MIA3: variants seen among roughly 807,000 people sequenced by gnomAD.
MIA3 encodes the protein transport and Golgi organization protein 1 homolog.
In MIA3, 90 loss-of-function variants were observed where a neutral mutation model predicts 192.4. The ratio of observed to expected loss-of-function variants is 0.47; its 90% CI spans 0.39 to 0.56. The LOEUF is 0.56. MIA3 is among the 20% of genes least tolerant of loss of function. The pLI, the probability that MIA3 is intolerant of heterozygous loss-of-function variation, is 0.00. For synonymous variants in MIA3, 740 were observed against 792.8 expected (o/e 0.93, Z 1.12); for missense variants, 2,123 against 2,269.4 (o/e 0.94, Z 1.31).
intron 6 of MIA3, among the ~76,000 whole-genome samples, chr1:222,643,070 T>G (rs1051212343): frequency 6.6e-6 from 1 of 152,208 alleles, no homozygotes; most frequent in Non-Finnish European, 1.5e-5. Context: ...AATTTACGAA[T>G]ATTTTCCTTT....
At chr1:222,627,509 G>T in intron 3 of MIA3, 66 bp from the exon 4 acceptor site, 1 of 1,292,876 alleles carries the variant, frequency 7.7e-7, no homozygotes, top group South Asian at 1.5e-5. Flanking sequence ...AATCATTAAC[G>T]TGGATAAGAC....
intron 1 of MIA3, among the ~76,000 whole-genome samples, chr1:222,620,503 T>C (rs1661807017): frequency 6.6e-6 from 1 of 152,236 alleles, no homozygotes; most frequent in Admixed American, 6.5e-5. Flanking sequence ...TCAGAAAATA[T>C]TGCCTTGTGA....
intron 7 of MIA3, among the ~76,000 whole-genome samples, chr1:222,647,675 C>T (rs1396013390): frequency 2.0e-5 from 3 of 152,022 alleles, no homozygotes; most frequent in Non-Finnish European, 4.4e-5. Flanking sequence ...ACGCCTTTTT[C>T]GTTTTTCAGA....
chr1:222,660,331 T>G lies in MIA3; in HGVS notation c.5113+17T>G. Reference sequence around the variant, plus strand: ...GTGAATTTGGTGAGCATTCACATGTTTCCTTGCAATACTCTTTTGGGTGGC... The same window carrying G: ...GTGAATTTGGTGAGCATTCACATGTGTCCTTGCAATACTCTTTTGGGTGGC... On this transcript the variant is annotated intron_variant, in intron 24 of 27. Coordinates refer to ENST00000344922, the MANE Select transcript of MIA3 (RefSeq NM_198551.4). 1 of 1,600,772 alleles carries G rather than the reference T, an allele frequency of 6.2e-7. No homozygotes were observed. Among genetic ancestry groups the G allele is most frequent in the Non-Finnish European group, 8.5e-7 (1 of 1,175,476 alleles).
chr1:222,629,894 C>G lies in MIA3; in HGVS notation c.2674C>G (p.Gln892Glu), dbSNP rs1178522655. The G allele has an allele frequency of 1.9e-6, 3 of 1,614,016 alleles. No individual in the cohort carries two copies. Among genetic ancestry groups the G allele is most frequent in the Non-Finnish European group, 2.5e-6 (3 of 1,180,004 alleles). The change falls in exon 4 of 28, where the codon CAG becomes GAG. Residue 892 changes from glutamine (Q) to glutamate (E), a missense_variant. Coordinates refer to ENST00000344922, the MANE Select transcript of MIA3 (RefSeq NM_198551.4). The part of the protein sequence containing the change: ...NTEKYMGTES[Q>E]GSAAAEPEDD... ...AGAGAAGTACATGGGCACAGAAAGC[C>G]AGGGGTCTGCTGCTGCAGAACCTGA...
chr1:222,635,340 G>T (rs2124863405), intron 6 of MIA3, among the ~76,000 whole-genome samples: 1 of 152,272 alleles, frequency 6.6e-6, no homozygotes, highest in East Asian at 1.9e-4. Context: ...CCTGGGTTGG[G>T]GCATATAGGA....
chr1:222,624,979 T>C, intron 3 of MIA3, 125 bp downstream of exon 3: 1 of 543,084 alleles, frequency 1.8e-6, no homozygotes, highest in Non-Finnish European at 3.3e-6. Flanking sequence ...TTATCTAATA[T>C]ATGGAAATAG....
intron 26 of MIA3, 124 bp from the exon 27 acceptor site, chr1:222,663,874 A>T: frequency 1.1e-6 from 1 of 925,292 alleles, no homozygotes; most frequent in Non-Finnish European, 1.7e-6. Flanking sequence ...AGTTTTTTGC[A>T]CTAATTCTGC....
chr1:222,629,249 C>A lies in MIA3; in HGVS notation c.2029C>A (p.Leu677Ile), dbSNP rs201082582. Residue 677 changes from leucine (L) to isoleucine (I), a missense_variant, in exon 4 of 28, where the codon CTC becomes ATC. By Grantham distance (5) the Leu-to-Ile change is conservative. Coordinates refer to ENST00000344922, the MANE Select transcript of MIA3 (RefSeq NM_198551.4). ...ASKQMSEKIR[L>I]SEGEAKEDSL... is the part of the protein sequence containing the mutation. Reference sequence around the variant, plus strand: ...TAAGCAAATGAGTGAGAAGATAAGGCTCTCTGAGGGAGAAGCCAAAGAGGA... The same window carrying A: ...TAAGCAAATGAGTGAGAAGATAAGGATCTCTGAGGGAGAAGCCAAAGAGGA... 6.2e-7 allele frequency: 1 copy of A among 1,614,088 alleles called. No individual in the cohort carries two copies. The highest frequency in any genetic ancestry group is 8.5e-7 in the Non-Finnish European group (1 of 1,180,044).
In MIA3 at chr1:222,654,945, A is replaced by G. The variant is rs942087065; in HGVS notation, c.4607+152A>G. The G allele has an allele frequency of 1.2e-5, 9 of 758,584 alleles. No individual in the cohort carries two copies. The African/African-American group carries it at 1.4e-4, about 12-fold the overall frequency. 47.0% of individuals were successfully genotyped at this position (758,584 alleles called of 1,614,324 possible). A position where few individuals can be genotyped will look rare whatever the true frequency, so the allele number is the denominator to read the frequency against. ...TTTCTTTCTTTCTGCTTTGTTTCTC[A>G]TAAGCTGCATTTTTCTTTCCTTTCT... On this transcript the variant is annotated intron_variant, in intron 18 of 27. Transcript: ENST00000344922.
At position 222,627,822 on chromosome 1, in the gene MIA3, A is replaced by C. The variant is rs768985064; in HGVS notation, c.602A>C (p.Gln201Pro). 1.7e-5 allele frequency: 27 copies of C among 1,614,084 alleles called. No individual in the cohort carries two copies. Among genetic ancestry groups the C allele is most frequent in the Non-Finnish European group, 2.2e-5 (26 of 1,180,018 alleles). The change falls in exon 4 of 28, where the codon CAG becomes CCG. Residue 201 changes from glutamine (Q) to proline (P), a missense_variant. By Grantham distance (76) the Gln-to-Pro change is moderately conservative. Coordinates refer to ENST00000344922, the MANE Select transcript of MIA3 (RefSeq NM_198551.4). ...SVFSENTEDLQEQFTTQKHHS... is the reference protein window; with the variant it reads ...SVFSENTEDLPEQFTTQKHHS... ...TTCTCAGAAAACACTGAGGATCTTC[A>C]GGAACAGTTTACAACTCAGAAGCAC... is the stretch of plus-strand genomic sequence containing the variant.
chr1:222,664,192 C>G (rs1317232864), intron 27 of MIA3, 44 bp downstream of exon 27: 21 of 1,593,852 alleles, frequency 1.3e-5, no homozygotes, highest in African/African-American at 2.7e-5. Flanking sequence ...AAAGCACATT[C>G]ATCTTCTCCA....
At chr1:222,634,604 CT>C (rs1388671791) in intron 6 of MIA3, among the ~76,000 whole-genome samples, 4 of 152,108 alleles carry the variant, frequency 2.6e-5, no homozygotes, top group Non-Finnish European at 5.9e-5. Flanking sequence ...TTAGCTCCCC[CT>C]TGTGGTACTC....
At chr1:222,654,631 A>G (rs772472566) in intron 17 of MIA3, 24 bp from the exon 18 acceptor site, 1 of 1,611,472 alleles carries the variant, frequency 6.2e-7, no homozygotes, top group Admixed American at 1.7e-5. Flanking sequence ...CACATATGGA[A>G]CTCAAATGTT....
chr1:222,632,273 C>A lies in MIA3; in HGVS notation c.3278C>A (p.Thr1093Asn). Residue 1093 changes from threonine (T) to asparagine (N), a missense_variant, in exon 5 of 28, where the codon ACT (threonine) becomes AAT (asparagine). Transcript: ENST00000344922. Reference sequence around the variant, plus strand: ...TTGGACCAACGTGTGATTGGGGACACTCATGCCTCAGAAGTGTCACAGAAG... The same window carrying A: ...TTGGACCAACGTGTGATTGGGGACAATCATGCCTCAGAAGTGTCACAGAAG... ...THLDQRVIGD[T>N]HASEVSQKPN... is the part of the protein sequence containing the mutation. 1 of 1,614,198 alleles carries A rather than the reference C, an allele frequency of 6.2e-7. No homozygotes were observed.
Position 222,629,840 on chromosome 1 carries a change from G to A in MIA3, c.2620G>A (p.Glu874Lys), listed in dbSNP as rs759658785. The A allele has an allele frequency of 5.6e-5, 90 of 1,613,664 alleles. No homozygotes were observed. Among genetic ancestry groups the A allele is most frequent in the Non-Finnish European group, 7.5e-5 (89 of 1,179,950 alleles). Residue 874 changes from glutamate (E) to lysine (K), a missense_variant, in exon 4 of 28, where the codon GAA becomes AAA. Physicochemically the swap from Glu to Lys is moderately conservative, Grantham distance 56. Around this residue, in one of 3 missense-constraint regions of MIA3, gnomAD observed 1,357 missense variants for 1,396.1 expected, o/e 0.97. Coordinates refer to ENST00000344922, the MANE Select transcript of MIA3 (RefSeq NM_198551.4). Reference protein sequence around the residue: ...TSGLAGEPEGELSKEDHENTE... With the variant: ...TSGLAGEPEGKLSKEDHENTE... ...AGGGCTTGCAGGGGAGCCTGAGGGA[G>A]AACTCTCAAAAGAGGACCATGAGAA...
chr1:222,659,197 A>T lies in MIA3; in HGVS notation c.4710-256A>T, dbSNP rs369312611. Reference sequence around the variant, plus strand: ...TATAGTGGAAGATATTAATAATAGGATTATTTGAGAACATATTTAGGAACA... The same window carrying T: ...TATAGTGGAAGATATTAATAATAGGTTTATTTGAGAACATATTTAGGAACA... On this transcript the variant is annotated intron_variant, in intron 19 of 27. Transcript: ENST00000344922. 3.4e-4 allele frequency: 167 copies of T among 495,000 alleles called. 4 individuals carry two copies. The South Asian group carries it at 4.3e-3, about 13-fold the overall frequency. 30.7% of individuals were successfully genotyped at this position (495,000 alleles called of 1,614,324 possible).
chr1:222,645,827 A>T, intron 7 of MIA3, 142 bp downstream of exon 7: 1 of 729,332 alleles, frequency 1.4e-6, no homozygotes, highest in Non-Finnish European at 2.1e-6. Flanking sequence ...AATTTAGTAT[A>T]ATTTTTGTGT....
At chr1:222,653,448 T>C in intron 15 of MIA3, 109 bp downstream of exon 15, 1 of 686,174 alleles carries the variant, frequency 1.5e-6, no homozygotes, top group South Asian at 1.8e-5. Context: ...GAGGTGTAAA[T>C]ACATTGGATT....
Sources: allele counts gnomAD v4.1 joint callset (sites outside exome capture counted in the v4.1 genomes callset), GRCh38; gene constraint gnomAD v4.1.1; regional missense constraint gnomAD v4.1.1; transcripts MANE v1.5; gene names NCBI Gene and HGNC (gene_info 2026-07-23, HGNC 2026-07-21).